IGDCC3: variants seen among roughly 807,000 people sequenced by gnomAD.
The protein encoded by IGDCC3 is putative neuronal cell adhesion molecule.
Under a neutral mutation model 72.0 loss-of-function variants are expected in IGDCC3, and 47 were observed. The observed-to-expected ratio is 0.65, with a 90% CI of 0.52 to 0.83. The LOEUF is 0.83. IGDCC3 is among the 40% of genes least tolerant of loss of function. The pLI, the probability that IGDCC3 is intolerant of heterozygous loss-of-function variation, is 0.00. For synonymous variants in IGDCC3, 477 were observed against 472.8 expected, an observed-to-expected ratio of 1.01 and a Z score of -0.11; for missense variants, 1,038 against 1,091.3, an observed-to-expected ratio of 0.95 and a Z score of 0.69.
At chr15:65,337,097 C>T (rs989499762) in intron 2 of IGDCC3, among the ~76,000 whole-genome samples, 1 of 152,264 alleles carries the variant, frequency 6.6e-6, no homozygotes, top group African/African-American at 2.4e-5. Context: ...CTCCCCGTGG[C>T]CCCCATCCCC....
intron 2 of IGDCC3, among the ~76,000 whole-genome samples, chr15:65,345,134 G>A (rs2140150286): frequency 6.6e-6 from 1 of 152,282 alleles, no homozygotes; most frequent in African/African-American, 2.4e-5. Flanking sequence ...TCAACTGTAA[G>A]CATTCATTCA....
At chr15:65,368,633 G>A (rs546796225) in intron 2 of IGDCC3, among the ~76,000 whole-genome samples, 17 of 152,262 alleles carry the variant, frequency 1.1e-4, no homozygotes, top group Admixed American at 1.0e-3. Flanking sequence ...TAAAGCCCAA[G>A]GCAGGAGACC....
chr15:65,339,077 ATTTCTTT>A lies in IGDCC3; in HGVS notation c.410-3128_410-3122del, dbSNP rs1323083236. Among the ~76,000 whole-genome samples, 2 of 151,650 alleles carry A rather than the reference ATTTCTTT, an allele frequency of 1.3e-5. No individual in the cohort carries two copies. Among genetic ancestry groups the A allele is most frequent in the Non-Finnish European group, 2.9e-5 (2 of 67,920 alleles). ...ACCACCACGCCCAGCTAATTTTTTAATTTCTTTTTTCTTTTTCTTTTTGAGACGGAAT... is the reference window on the plus strand; with the variant it reads ...ACCACCACGCCCAGCTAATTTTTTAATTTCTTTTTCTTTTTGAGACGGAAT... On this transcript the variant is annotated intron_variant, in intron 2 of 13. Coordinates refer to ENST00000327987, the MANE Select transcript of IGDCC3 (RefSeq NM_004884.4). The surrounding 1 kb of genome is among the most constrained non-coding windows in gnomAD (Gnocchi z 4.1).
At chr15:65,366,959 G>A (rs983064310) in intron 2 of IGDCC3, among the ~76,000 whole-genome samples, 2 of 152,220 alleles carry the variant, frequency 1.3e-5, no homozygotes, top group African/African-American at 4.8e-5. Flanking sequence ...CAGAAATCAG[G>A]GAGAGGTTCT....
chr15:65,361,385 C>G (rs979073646), intron 2 of IGDCC3, among the ~76,000 whole-genome samples: 8 of 150,988 alleles, frequency 5.3e-5, no homozygotes, highest in African/African-American at 2.0e-4. Context: ...GAGGCTGCAA[C>G]AAGCCGCGAT....
intron 2 of IGDCC3, among the ~76,000 whole-genome samples, chr15:65,359,854 T>C (rs1026431560): frequency 2.6e-5 from 4 of 152,126 alleles, no homozygotes; most frequent in African/African-American, 9.7e-5. Flanking sequence ...GGTAAAATGC[T>C]CCTATAGGCC....
chr15:65,331,827 C>CAA, intron 7 of IGDCC3, 114 bp downstream of exon 7: 1 of 1,415,936 alleles, frequency 7.1e-7, no homozygotes, highest in African/African-American at 1.4e-5. Flanking sequence ...TCCAGACTCC[C>CAA]AATTCTGTGC....
chr15:65,342,559 G>C (rs1027256079), intron 2 of IGDCC3, among the ~76,000 whole-genome samples: 2 of 152,182 alleles, frequency 1.3e-5, no homozygotes, highest in African/African-American at 2.4e-5. Flanking sequence ...TGCTGGTCCA[G>C]ACCCGAAGCA....
chr15:65,375,183 C>A lies in IGDCC3; in HGVS notation c.323G>T (p.Ser108Ile). 1 of 1,614,232 alleles carries A rather than the reference C, an allele frequency of 6.2e-7. No individual in the cohort carries two copies. The change falls in exon 2 of 14, where the codon AGC (serine) becomes ATC (isoleucine). Residue 108 changes from serine (S) to isoleucine (I), a missense_variant. Coordinates refer to ENST00000327987, the MANE Select transcript of IGDCC3 (RefSeq NM_004884.4). ...IRHFRLEPGG[S>I]PSDEGDYECV... ...CTCATAGTCACCTTCATCCGAAGGG[C>A]TGCCTCCCGGCTCCAGCCTGAAGTG...
chr15:65,331,697 C>A, intron 7 of IGDCC3, 38 bp from the exon 8 acceptor site: 3 of 1,541,248 alleles, frequency 1.9e-6, no homozygotes, highest in Non-Finnish European at 2.6e-6. Context: ...TCCCTCCTCC[C>A]TGGAGGTTGA....
chr15:65,332,072 G>A lies in IGDCC3; in HGVS notation c.1017C>T (p.Ile339=). The A allele has an allele frequency of 6.2e-7, 1 of 1,614,092 alleles. No individual in the cohort carries two copies. The highest frequency in any genetic ancestry group is 1.3e-5 in the African/African-American group (1 of 75,068). ...TGGCTGTGGTCCCAGCTGGCCTGGAGATGGACTGGGGATGCTGCACAAACT... is the reference window on the plus strand; with the variant it reads ...TGGCTGTGGTCCCAGCTGGCCTGGAAATGGACTGGGGATGCTGCACAAACT... ...PAEFVQHPQS[I]SRPAGTTAMF... is the part of the protein sequence containing the mutation. The change falls in exon 7 of 14, where the codon ATC becomes ATT. Residue 339 remains isoleucine, a synonymous_variant. Transcript: ENST00000327987.
At chr15:65,333,823 C>G (rs1262452452) in intron 5 of IGDCC3, among the ~76,000 whole-genome samples, 2 of 152,170 alleles carry the variant, frequency 1.3e-5, no homozygotes, top group African/African-American at 4.8e-5. Context: ...GGGGGGGAAC[C>G]CGGTTAACTT....
At chr15:65,356,930 A>G (rs775435926) in intron 2 of IGDCC3, among the ~76,000 whole-genome samples, 1 of 143,326 alleles carries the variant, frequency 7.0e-6, no homozygotes, top group Non-Finnish European at 1.5e-5. Flanking sequence ...GCTCACTGCA[A>G]CTTCTGCCTC....
intron 2 of IGDCC3, among the ~76,000 whole-genome samples, chr15:65,372,087 A>G (rs1450800058): frequency 6.6e-6 from 1 of 152,194 alleles, no homozygotes; most frequent in Admixed American, 6.5e-5. Context: ...ATTAACCTCC[A>G]TGGGCAGCCA....
intron 2 of IGDCC3, among the ~76,000 whole-genome samples, chr15:65,353,528 G>A (rs1287530194): frequency 6.6e-6 from 1 of 152,112 alleles, no homozygotes; most frequent in East Asian, 1.9e-4. Flanking sequence ...GGGATTACAG[G>A]CGTGAGCCAC....
chr15:65,329,308 G>A lies in IGDCC3; in HGVS notation c.2205+82C>T. Reference sequence around the variant, plus strand: ...ACTAAGGCCAATGATCGAGGCCCGTGGCCAAGGTGAAGGGGGGCAGGATTG... The same window carrying A: ...ACTAAGGCCAATGATCGAGGCCCGTAGCCAAGGTGAAGGGGGGCAGGATTG... On this transcript the variant is annotated intron_variant, in intron 13 of 13. Coordinates refer to ENST00000327987, the MANE Select transcript of IGDCC3 (RefSeq NM_004884.4). This position sits in a 1 kb window ranked among gnomAD's most constrained non-coding sequence, Gnocchi z 4.1. 1 of 1,487,248 alleles carries A rather than the reference G, an allele frequency of 6.7e-7. No individual in the cohort carries two copies. The highest frequency in any genetic ancestry group is 9.1e-7 in the Non-Finnish European group (1 of 1,100,444). The allele number at this position is 1,487,248 out of a possible 1,614,324, so 92.1% of individuals were successfully genotyped here. A position where few individuals can be genotyped will look rare whatever the true frequency, so the allele number is the denominator to read the frequency against.
Position 65,377,849 on chromosome 15 carries a change from C to G in IGDCC3, c.-61G>C, listed in dbSNP as rs2091369521. On this transcript the variant is annotated 5_prime_UTR_variant, in exon 1 of 14. Transcript: ENST00000327987. This position sits in a 1 kb window ranked among gnomAD's most constrained non-coding sequence, Gnocchi z 4.9. The stretch of plus-strand genomic sequence containing the variant: ...CTCCCGGGCCTCTCGCGGCTCACAG[C>G]GTCCCGCGGGGCCGGCGCCGGGGCC... The G allele has an allele frequency of 9.0e-7, 1 of 1,109,384 alleles. No individual in the cohort carries two copies. Among genetic ancestry groups the G allele is most frequent in the South Asian group, 4.3e-5 (1 of 23,230 alleles). 68.7% of individuals were successfully genotyped at this position (1,109,384 alleles called of 1,614,324 possible).
rs780028095 is a variant in IGDCC3, at chr15:65,329,430, G to A, written c.2165C>T (p.Pro722Leu). The A allele has an allele frequency of 2.5e-6, 4 of 1,605,088 alleles. No homozygotes were observed. Among genetic ancestry groups the A allele is most frequent in the Non-Finnish European group, 3.4e-6 (4 of 1,176,842 alleles). The change falls in exon 13 of 14, where the codon CCC (proline) becomes CTC (leucine). Residue 722 changes from proline to leucine, a missense_variant. Pro to Leu is a moderately conservative substitution (Grantham distance 98). Coordinates refer to ENST00000327987, the MANE Select transcript of IGDCC3 (RefSeq NM_004884.4). The surrounding 1 kb of genome is among the most constrained non-coding windows in gnomAD (Gnocchi z 4.1). ...CGGCTGCCCTGCTGCGCTGGCCGGG[G>A]GGAACAGCTGCTCCAGCTCCTTCAT... is the stretch of plus-strand genomic sequence containing the variant. ...VDMKELEQLF[P>L]PASAAGQPDP...
In IGDCC3 at chr15:65,330,667, G is replaced by A. The variant is rs140198155; in HGVS notation, c.1636C>T (p.Arg546Trp). Residue 546 changes from arginine (R) to tryptophan (W), a missense_variant, in exon 10 of 14, where the codon CGG becomes TGG. Transcript: ENST00000327987. ...AAGCCGCCCTCGTGCTGGGCCAGCC[G>A]GGGCCAAGGCTCCCACAGCAGCTGC... Reference protein sequence around the residue: ...SLQLLWEPWPRLAQHEGGFKL... With the variant: ...SLQLLWEPWPWLAQHEGGFKL... 5.1e-5 allele frequency: 83 copies of A among 1,613,370 alleles called. No homozygotes were observed. The highest frequency in any genetic ancestry group is 3.3e-4 in the South Asian group (30 of 91,062).
Sources: allele counts gnomAD v4.1 joint callset (sites outside exome capture counted in the v4.1 genomes callset), GRCh38; gene constraint gnomAD v4.1.1; non-coding constraint Gnocchi (gnomAD v3.1); transcripts MANE v1.5; gene names NCBI Gene and HGNC (gene_info 2026-07-23, HGNC 2026-07-21).